Variants in PARG observed in about 807,000 individuals in gnomAD.
The protein encoded by PARG is poly(ADP-ribose) glycohydrolase, also known as mitochondrial poly(ADP-ribose) glycohydrolase.
Under a neutral mutation model 113.0 loss-of-function variants are expected in PARG, and 35 were observed. That is an observed-to-expected ratio of 0.31 (90% CI 0.24 to 0.41). PARG has a LOEUF of 0.41. Among genes scored for constraint, PARG ranks in the 10% least tolerant of loss-of-function variants. PARG has a pLI of 1.00. For synonymous variants in PARG, 330 were observed against 409.9 expected (o/e 0.81, Z 2.36); for missense variants, 797 against 1,169.4 (o/e 0.68, Z 4.64).
chr10:49,880,926 C>G (rs534530389), intron 8 of PARG, among the ~76,000 whole-genome samples: 1 of 152,162 alleles, frequency 6.6e-6, no homozygotes, highest in African/African-American at 2.4e-5. Flanking sequence ...TTTGAAATAG[C>G]CCTGCAAAGC....
chr10:49,848,652 T>G (rs1383581710), intron 13 of PARG, among the ~76,000 whole-genome samples: 1 of 151,470 alleles, frequency 6.6e-6, no homozygotes, highest in African/African-American at 2.4e-5. Context: ...TGATTGTTCT[T>G]CCTCCATGCT....
intron 4 of PARG, among the ~76,000 whole-genome samples, chr10:49,928,271 G>GA (rs546085753): frequency 6.7e-4 from 94 of 139,526 alleles, no homozygotes; most frequent in African/African-American, 1.1e-3. Flanking sequence ...ACTCCATCTC[G>GA]AAAAAAAAAA....
intron 16 of PARG, among the ~76,000 whole-genome samples, chr10:49,828,906 C>A (rs1391772770): frequency 6.6e-6 from 1 of 152,054 alleles, no homozygotes; most frequent in African/African-American, 2.4e-5. Flanking sequence ...TGTGGTAAAA[C>A]ACAAAACTCA....
chr10:49,902,238 T>C (rs1330630538), intron 7 of PARG, among the ~76,000 whole-genome samples: 11 of 152,238 alleles, frequency 7.2e-5, no homozygotes, highest in Non-Finnish European at 1.5e-4. Flanking sequence ...CCTAATTTTA[T>C]TCAACTGCAT....
chr10:49,879,028 A>G (rs1338692352), intron 9 of PARG, among the ~76,000 whole-genome samples: 1 of 152,214 alleles, frequency 6.6e-6, no homozygotes, highest in Non-Finnish European at 1.5e-5. Flanking sequence ...AGATAGAGAA[A>G]GCAGTCACCT....
At chr10:49,896,753 T>G (rs1461289626) in intron 7 of PARG, among the ~76,000 whole-genome samples, 1 of 152,230 alleles carries the variant, frequency 6.6e-6, no homozygotes, top group Admixed American at 6.5e-5. Context: ...TAGATTTCAT[T>G]TGCTAATATT....
intron 10 of PARG, 91 bp from the exon 11 acceptor site, chr10:49,865,472 C>CACACAA (rs199976868): frequency 2.0e-6 from 1 of 500,024 alleles, no homozygotes; most frequent in Non-Finnish European, 3.8e-6. Flanking sequence ...CACACACACA[C>CACACAA]ACACACACAC....
intron 7 of PARG, among the ~76,000 whole-genome samples, chr10:49,912,705 C>T (rs1837265104): frequency 6.6e-6 from 1 of 152,086 alleles, no homozygotes; most frequent in Admixed American, 6.6e-5. Flanking sequence ...TGGCTCATGC[C>T]TATAATCCCA....
At chr10:49,833,622 G>A (rs1356051516) in intron 15 of PARG, among the ~76,000 whole-genome samples, 4 of 152,206 alleles carry the variant, frequency 2.6e-5, no homozygotes, top group Non-Finnish European at 5.9e-5. Context: ...TTAATTAAAT[G>A]AACAGCTCAT....
At chr10:49,857,722 C>A (rs574143726) in intron 12 of PARG, among the ~76,000 whole-genome samples, 1 of 151,994 alleles carries the variant, frequency 6.6e-6, no homozygotes, top group East Asian at 1.9e-4. Flanking sequence ...ATCATACAGA[C>A]TCTTGTTTAT....
intron 6 of PARG, among the ~76,000 whole-genome samples, chr10:49,920,463 A>AAAAAAATAT (rs1431747248): frequency 6.3e-4 from 30 of 47,964 alleles, no homozygotes; most frequent in African/African-American, 1.3e-3. Context: ...AAAAAAAAAA[A>AAAAAAATAT]ATATATATAT....
At chr10:49,922,855 T>G (rs527988671) in intron 4 of PARG, among the ~76,000 whole-genome samples, 186 bp from the exon 5 acceptor site, 1 of 152,188 alleles carries the variant, frequency 6.6e-6, no homozygotes, top group Non-Finnish European at 1.5e-5. Context: ...TCACCAGATA[T>G]AGTATATATT....
At chr10:49,927,416 AAG>A (rs1472262347) in intron 4 of PARG, among the ~76,000 whole-genome samples, 1 of 137,190 alleles carries the variant, frequency 7.3e-6, no homozygotes, top group South Asian at 2.4e-4. Context: ...GAAAGAAAGA[AAG>A]AAAAATAAAC....
chr10:49,941,564 C>T lies in PARG; in HGVS notation c.162G>A (p.Ser54=). 6.4e-7 allele frequency: 1 copy of T among 1,559,882 alleles called. No individual in the cohort carries two copies. The highest frequency in any genetic ancestry group is 8.7e-7 in the Non-Finnish European group (1 of 1,152,430). ...CCGCCCGCCCTGGGACGCAGGCTGGCGAGGACGGTGGGACCCTGAACTGCA... is the reference window on the plus strand; with the variant it reads ...CCGCCCGCCCTGGGACGCAGGCTGGTGAGGACGGTGGGACCCTGAACTGCA... ...AHVQFRVPPS[S]PACVPGRAGQ... is the part of the protein sequence containing the mutation. Residue 54 remains serine (S), a synonymous_variant, in exon 1 of 18, where the codon TCG becomes TCA. Coordinates refer to ENST00000616448, the MANE Select transcript of PARG (RefSeq NM_003631.5).
chr10:49,889,059 G>T (rs1588946984), intron 7 of PARG, among the ~76,000 whole-genome samples: 5 of 143,054 alleles, frequency 3.5e-5, no homozygotes, highest in East Asian at 2.0e-4. Flanking sequence ...TCTCTGGATA[G>T]TTTTTTTTTT....
At chr10:49,866,812 T>G (rs1308171000) in intron 10 of PARG, among the ~76,000 whole-genome samples, 1 of 152,146 alleles carries the variant, frequency 6.6e-6, no homozygotes, top group African/African-American at 2.4e-5. Flanking sequence ...AATCACAATA[T>G]ATACTATATA....
intron 7 of PARG, among the ~76,000 whole-genome samples, chr10:49,902,788 T>C (rs550311286): frequency 4.5e-4 from 69 of 152,208 alleles, no homozygotes; most frequent in African/African-American, 1.6e-3. Flanking sequence ...GGCAAGTGTT[T>C]AAGACCAGCT....
intron 16 of PARG, among the ~76,000 whole-genome samples, chr10:49,823,435 C>T (rs1844205206): frequency 1.3e-5 from 2 of 152,014 alleles, no homozygotes; most frequent in South Asian, 4.2e-4. Flanking sequence ...CAAAGTATGT[C>T]CTAATTCCCA....
chr10:49,917,077 G>T (rs1159682668), intron 6 of PARG, among the ~76,000 whole-genome samples: 1 of 144,934 alleles, frequency 6.9e-6, no homozygotes, highest in Non-Finnish European at 1.6e-5. Context: ...CTTAAGAAAA[G>T]AAAAGAGAAG....
Sources: allele counts gnomAD v4.1 joint callset (sites outside exome capture counted in the v4.1 genomes callset), GRCh38; gene constraint gnomAD v4.1.1; transcripts MANE v1.5; gene names NCBI Gene and HGNC (gene_info 2026-07-23, HGNC 2026-07-21).